HSPA4: variants seen among roughly 807,000 people sequenced by gnomAD.
The protein encoded by HSPA4 is heat shock 70 kDa protein 4.
A neutral mutation model predicts 106.2 loss-of-function variants in HSPA4; 25 were observed. That is an observed-to-expected ratio of 0.24 (90% CI 0.17 to 0.33). The LOEUF (loss-of-function observed/expected upper bound fraction) is 0.33, where lower values mean the gene tolerates loss of function less well. HSPA4 is among the 10% of genes least tolerant of loss of function. The pLI, the probability that HSPA4 is intolerant of heterozygous loss-of-function variation, is 1.00. For missense variants in HSPA4, 841 were observed against 996.0 expected, an observed-to-expected ratio of 0.84 and a Z score of 2.10; for synonymous variants, 332 against 333.6, an observed-to-expected ratio of 1.00 and a Z score of 0.05.
intron 17 of HSPA4, 116 bp from the exon 18 acceptor site, chr5:133,103,749 A>G (rs1305969147): frequency 1.2e-6 from 1 of 800,642 alleles, no homozygotes; most frequent in Admixed American, 3.0e-5. Context: ...GAGGCTAAAT[A>G]TGCTTTATTT....
At chr5:133,057,164 C>G (rs2126691972) in intron 1 of HSPA4, among the ~76,000 whole-genome samples, 1 of 152,212 alleles carries the variant, frequency 6.6e-6, no homozygotes, top group South Asian at 2.1e-4. Flanking sequence ...CTTTTTGGTA[C>G]TTTCTAGTCC....
At chr5:133,088,334 A>G in intron 8 of HSPA4, 70 bp from the exon 9 acceptor site, 4 of 1,131,740 alleles carry the variant, frequency 3.5e-6, no homozygotes. Context: ...CATCTGAGTT[A>G]TTTCATCATG....
At position 133,104,776 on chromosome 5, in the gene HSPA4, CTT is replaced by C; in HGVS notation, c.*343_*344del. 1 of 221,400 alleles carries C rather than the reference CTT, an allele frequency of 4.5e-6. No individual in the cohort carries two copies. Among genetic ancestry groups the C allele is most frequent in the South Asian group, 6.5e-5 (1 of 15,468 alleles). The allele number at this position is 221,400 out of a possible 1,614,324, so 13.7% of individuals were successfully genotyped here. A position where few individuals can be genotyped will look rare whatever the true frequency, so the allele number is the denominator to read the frequency against. ...GCTACAGCTCTAGCTATCCAGCAGA[CTT>C]TTCATTATGACTTACATGGCAGGAG... is the stretch of plus-strand genomic sequence containing the variant. On this transcript the variant is annotated 3_prime_UTR_variant, in exon 19 of 19. Coordinates refer to ENST00000304858, the MANE Select transcript of HSPA4 (RefSeq NM_002154.4).
At chr5:133,097,041 GTGA>G (rs1765721252) in intron 14 of HSPA4, 117 bp from the exon 15 acceptor site, 2 of 685,828 alleles carry the variant, frequency 2.9e-6, no homozygotes, top group African/African-American at 3.6e-5. Context: ...CCTTTGTTAT[GTGA>G]CTTGCAGAAC....
chr5:133,085,466 A>C (rs1765565495), intron 7 of HSPA4, among the ~76,000 whole-genome samples: 1 of 146,148 alleles, frequency 6.8e-6, no homozygotes, highest in Admixed American at 6.8e-5. Context: ...AGCCTGACCA[A>C]CATGGTGAAA....
intron 18 of HSPA4, 26 bp downstream of exon 18, chr5:133,104,052 T>G (rs1382906602): frequency 1.9e-6 from 3 of 1,584,574 alleles, no homozygotes; most frequent in Non-Finnish European, 8.6e-7. Context: ...TTTTTAATAG[T>G]CTTTTCTTGA....
At position 133,067,403 on chromosome 5, in the gene HSPA4, A is replaced by G. The variant is rs1765321175; in HGVS notation, c.166-14A>G. On this transcript the variant is annotated splice_polypyrimidine_tract_variant and intron_variant, in intron 2 of 18. Transcript: ENST00000304858. ...AGTAGTAGTCTTTCCACTCTTTGAT[A>G]TTCTTTCTCTTAGGTAATTTCTAAT... is the stretch of plus-strand genomic sequence containing the variant. 1.3e-6 allele frequency: 2 copies of G among 1,599,032 alleles called. No individual in the cohort carries two copies. Among genetic ancestry groups the G allele is most frequent in the South Asian group, 2.3e-5 (2 of 87,620 alleles).
At chr5:133,082,381 T>C (rs1765523300) in intron 7 of HSPA4, among the ~76,000 whole-genome samples, 1 of 152,224 alleles carries the variant, frequency 6.6e-6, no homozygotes, top group South Asian at 2.1e-4. Context: ...AGTCACTGAA[T>C]TGTATACTTT....
At chr5:133,062,559 G>C (rs1208686766) in intron 1 of HSPA4, among the ~76,000 whole-genome samples, 2 of 152,204 alleles carry the variant, frequency 1.3e-5, no homozygotes. Context: ...TTACGTGGTA[G>C]TGAGGATTTT....
intron 1 of HSPA4, among the ~76,000 whole-genome samples, chr5:133,062,458 T>C (rs1765256196): frequency 6.6e-6 from 1 of 152,204 alleles, no homozygotes; most frequent in South Asian, 2.1e-4. Flanking sequence ...ATTAGGCTTA[T>C]GCTAGGCAGC....
chr5:133,069,254 ATTTTT>A lies in HSPA4; in HGVS notation c.307-1109_307-1105del, dbSNP rs1213270421. On this transcript the variant is annotated intron_variant, in intron 3 of 18. Transcript: ENST00000304858. ...TGTTCATTATTGTTACTTATTTAAA[ATTTTT>A]TTTTTTTTTTGAGACAATATCACTG... is the stretch of plus-strand genomic sequence containing the variant. Among the ~76,000 whole-genome samples, 6 of 146,278 alleles carry A rather than the reference ATTTTT, an allele frequency of 4.1e-5. No homozygotes were observed. The East Asian group carries it at 1.2e-3, about 29-fold the overall frequency.
In HSPA4 at chr5:133,078,979, C is replaced by G. The variant is rs1765482035; in HGVS notation, c.908+2081C>G. Among the ~76,000 whole-genome samples, 3 of 152,314 alleles carry G rather than the reference C, an allele frequency of 2.0e-5. No homozygotes were observed. In the South Asian group the frequency reaches 6.2e-4, roughly 32 times the overall value. ...GAACTTCTGGACTCAAGTGATCTGC[C>G]TGCCTTAGCCTCCCAAAGTACTGGG... On this transcript the variant is annotated intron_variant, in intron 7 of 18. Coordinates refer to ENST00000304858, the MANE Select transcript of HSPA4 (RefSeq NM_002154.4).
chr5:133,088,595 A>G, intron 9 of HSPA4, 40 bp downstream of exon 9: 1 of 1,561,964 alleles, frequency 6.4e-7, no homozygotes, highest in Non-Finnish European at 8.8e-7. Context: ...TTTATAAATC[A>G]TTGTAACAAG....
chr5:133,096,336 ATTTTTGATTGTTTGGAC>A, intron 14 of HSPA4, 86 bp downstream of exon 14: 2 of 1,291,458 alleles, frequency 1.5e-6, no homozygotes, highest in Non-Finnish European at 2.2e-6. Context: ...GACTTTTTGC[ATTTTTGATTGTTTGGAC>A]TTAGAGAAAA....
intron 1 of HSPA4, chr5:133,052,853 G>A (rs1382936509): frequency 1.3e-5 from 2 of 153,232 alleles, no homozygotes; most frequent in Non-Finnish European, 2.9e-5. Flanking sequence ...GTGGGGGCGG[G>A]GCAGCGCCCG....
rs778070553 is a variant in HSPA4 at position 133,103,964 on chromosome 5, A to T, written c.2257A>T (p.Asn753Tyr). The T allele has an allele frequency of 6.2e-7, 1 of 1,613,952 alleles. No homozygotes were observed. The change falls in exon 18 of 19, where the codon AAC (asparagine) becomes TAC (tyrosine). Residue 753 changes from asparagine (N) to tyrosine (Y), a missense_variant. This residue lies in a region of HSPA4 where 328 missense variants were observed against 372.2 expected (regional missense o/e 0.88). Coordinates refer to ENST00000304858, the MANE Select transcript of HSPA4 (RefSeq NM_002154.4). The stretch of plus-strand genomic sequence containing the variant: ...GATGAATAACAAGCTAAATCTGCAG[A>T]ACAAGCAGAGTTTGACCATGGATCC... The part of the protein sequence containing the change: ...EWMNNKLNLQ[N>Y]KQSLTMDPVV...
intron 17 of HSPA4, among the ~76,000 whole-genome samples, chr5:133,103,288 C>T (rs1765812288): frequency 6.6e-6 from 1 of 151,836 alleles, no homozygotes; most frequent in Non-Finnish European, 1.5e-5. Flanking sequence ...AAGTCATGAG[C>T]TTAAGCGATC....
chr5:133,062,614 GT>G (rs912469631), intron 1 of HSPA4, among the ~76,000 whole-genome samples: 5 of 152,078 alleles, frequency 3.3e-5, no homozygotes, highest in Admixed American at 1.3e-4. Context: ...GATTTTATTT[GT>G]TTTAGTGATT....
At position 133,073,210 on chromosome 5, in the gene HSPA4, ATTCT is replaced by A. The variant is rs926140221; in HGVS notation, c.430-17_430-14del. 7.1e-7 allele frequency: 1 copy of A among 1,412,188 alleles called. No homozygotes were observed. 87.5% of individuals were successfully genotyped at this position (1,412,188 alleles called of 1,614,324 possible). The stretch of plus-strand genomic sequence containing the variant: ...AATTAGAATCTATAATACAGTAAGC[ATTCT>A]TTTTTTTTTTTGTAGGTTCCTTGTT... On this transcript the variant is annotated splice_polypyrimidine_tract_variant and intron_variant, in intron 4 of 18. Coordinates refer to ENST00000304858, the MANE Select transcript of HSPA4 (RefSeq NM_002154.4).
Sources: gnomAD v4.1 joint callset for allele counts (sites outside exome capture counted in the v4.1 genomes callset) on GRCh38, gnomAD v4.1.1 for gene constraint, gnomAD v4.1.1 regional missense constraint, MANE v1.5 for transcripts, NCBI Gene and HGNC (gene_info 2026-07-23, HGNC 2026-07-21) for gene names.